Variants in TPM4 observed in about 807,000 individuals in gnomAD.
TPM4 encodes the protein tropomyosin alpha-4 chain.
A neutral mutation model predicts 35.8 loss-of-function variants in TPM4; 17 were observed. The observed-to-expected ratio is 0.47, with a 90% CI of 0.32 to 0.71. The LOEUF is 0.71. TPM4 is among the 30% of genes least tolerant of loss of function. TPM4 has a pLI of 0.03. For missense variants in TPM4, 240 were observed against 320.9 expected, an observed-to-expected ratio of 0.75 and a Z score of 1.93; for synonymous variants, 120 against 122.9, an observed-to-expected ratio of 0.98 and a Z score of 0.15.
In TPM4 at chr19:16,096,936, C is replaced by CTTTTTTTTTTTTTTTTTTTT. The variant is rs71178641; in HGVS notation, c.664+3198_664+3217dup. ...GGAATATGGAGAAAACAAGGTCACT[C>CTTTTTTTTTTTTTTTTTTTT]TTTTTTTTTTTTTTTTTTTTTTTTT... On this transcript the variant is annotated intron_variant, in intron 7 of 7. Transcript: ENST00000643579. Among the ~76,000 whole-genome samples the CTTTTTTTTTTTTTTTTTTTT allele has an allele frequency of 2.9e-5, 2 of 69,050 alleles. 1 individual carries two copies. Among genetic ancestry groups the CTTTTTTTTTTTTTTTTTTTT allele is most frequent in the Non-Finnish European group, 5.3e-5 (2 of 37,714 alleles). 45.3% of individuals were successfully genotyped at this position (69,050 alleles called of 152,430 possible). A position where few individuals can be genotyped will look rare whatever the true frequency, so the allele number is the denominator to read the frequency against.
At chr19:16,076,753 C>T (rs2090412283) in intron 1 of TPM4, 56 bp downstream of exon 1, 2 of 1,284,100 alleles carry the variant, frequency 1.6e-6, no homozygotes, top group Non-Finnish European at 2.0e-6. Context: ...GCGCGCCCTC[C>T]TTTCTTCCCG....
chr19:16,084,824 G>C (rs541182408), intron 2 of TPM4, among the ~76,000 whole-genome samples: 1 of 152,300 alleles, frequency 6.6e-6, no homozygotes, highest in African/African-American at 2.4e-5. Context: ...ACTTAGCTGA[G>C]AACGGGTGAC....
At chr19:16,077,995 G>A (rs1179169853) in intron 1 of TPM4, 4 of 387,510 alleles carry the variant, frequency 1.0e-5, no homozygotes, top group African/African-American at 2.1e-5. Flanking sequence ...GGCTGGTCTC[G>A]AACTCCTGAC....
intron 1 of TPM4, among the ~76,000 whole-genome samples, chr19:16,079,154 A>G (rs1162067240): frequency 1.3e-5 from 2 of 152,172 alleles, no homozygotes; most frequent in African/African-American, 4.8e-5. Context: ...ACAGCTGAAA[A>G]TCTGCCAAAA....
intron 4 of TPM4, 62 bp from the exon 5 acceptor site, chr19:16,088,983 G>T: frequency 6.2e-7 from 1 of 1,609,088 alleles, no homozygotes; most frequent in South Asian, 1.1e-5. Context: ...TTGTTGGGGC[G>T]ATTGCTATTA....
At chr19:16,068,603 CTGTG>C (rs1013513338) in intron 2 of TPM4, among the ~76,000 whole-genome samples, 7 of 152,136 alleles carry the variant, frequency 4.6e-5, no homozygotes, top group East Asian at 3.9e-4. Flanking sequence ...GAGCGTGTGT[CTGTG>C]TGTATCTATG....
chr19:16,079,744 G>A (rs141098972), intron 1 of TPM4: 2,030 of 182,026 alleles, frequency 0.011, 38 homozygotes, highest in African/African-American at 0.045. Flanking sequence ...CTGTTACCCA[G>A]GCTGGAGTGC....
At chr19:16,084,901 C>T (rs1286213229) in intron 2 of TPM4, among the ~76,000 whole-genome samples, 1 of 152,160 alleles carries the variant, frequency 6.6e-6, no homozygotes, top group Non-Finnish European at 1.5e-5. Flanking sequence ...GGGAATGATA[C>T]ATATCAATGA....
intron 1 of TPM4, chr19:16,078,223 G>A (rs186380499): frequency 2.5e-6 from 1 of 398,368 alleles, no homozygotes; most frequent in Admixed American, 4.4e-5. Context: ...GGTTGAGCTG[G>A]GTCTTATAGA....
In TPM4 at chr19:16,070,113, G is replaced by T. The variant is rs895549983; in HGVS notation, c.114+2375G>T. ...GTCTGAGAATCTCATTGTGTATGTG[G>T]GGGTGTCCCTGCTAAAAGCCTGGAG... On this transcript the variant is annotated intron_variant, in intron 2 of 2. Coordinates refer to the TPM4 transcript ENST00000589897. This position sits in a 1 kb window ranked among gnomAD's most constrained non-coding sequence, Gnocchi z 7.4. Among the ~76,000 whole-genome samples, 3 of 152,100 alleles carry T rather than the reference G, an allele frequency of 2.0e-5. No individual in the cohort carries two copies. Among genetic ancestry groups the T allele is most frequent in the Non-Finnish European group, 4.4e-5 (3 of 67,994 alleles).
At position 16,076,712 on chromosome 19, in the gene TPM4, C is replaced by T; in HGVS notation, c.132+15C>T. 1 of 1,325,934 alleles carries T rather than the reference C, an allele frequency of 7.5e-7. No homozygotes were observed. The highest frequency in any genetic ancestry group is 1.5e-5 in the African/African-American group (1 of 64,830). 82.1% of individuals were successfully genotyped at this position (1,325,934 alleles called of 1,614,324 possible). On this transcript the variant is annotated intron_variant, in intron 1 of 7. Transcript: ENST00000643579. ...GGCGCGAGAAAGTGAGCGCCCCGGCCTCGGGCCCCGCACCCGCAGCCTCCT... is the reference window on the plus strand; with the variant it reads ...GGCGCGAGAAAGTGAGCGCCCCGGCTTCGGGCCCCGCACCCGCAGCCTCCT...
Position 16,076,634 on chromosome 19 carries a change from G to A in TPM4, c.69G>A (p.Glu23=), listed in dbSNP as rs2090410228. ...AGGCCCTGCAGCAGCAGGCGGACGA[G>A]GCGGAAGACCGCGCGCAGGGCCTGC... ...KIQALQQQAD[E]AEDRAQGLQR... Residue 23 remains glutamate (E), a synonymous_variant, in exon 1 of 8, where the codon GAG becomes GAA. Transcript: ENST00000643579. 1 of 1,456,366 alleles carries A rather than the reference G, an allele frequency of 6.9e-7. No homozygotes were observed. Among genetic ancestry groups the A allele is most frequent in the Non-Finnish European group, 9.0e-7 (1 of 1,110,262 alleles). The allele number at this position is 1,456,366 out of a possible 1,614,324, so 90.2% of individuals were successfully genotyped here.
Position 16,103,000 on chromosome 19 carries a change from C to G in TPM4, c.*1654C>G, listed in dbSNP as rs1468877942. On this transcript the variant is annotated 3_prime_UTR_variant, in exon 8 of 8. Coordinates refer to ENST00000643579, the MANE Select transcript of TPM4 (RefSeq NM_003290.3). The stretch of plus-strand genomic sequence containing the variant: ...TTGGTCAAATAAATTTTTACATAAA[C>G]TACAATTTGCGTGAATTTTAGAATG... The G allele has an allele frequency of 5.1e-6, 1 of 197,804 alleles. No individual in the cohort carries two copies. Among genetic ancestry groups the G allele is most frequent in the African/African-American group, 2.3e-5 (1 of 43,336 alleles). The allele number at this position is 197,804 out of a possible 1,614,324, so 12.3% of individuals were successfully genotyped here.
Position 16,087,426 on chromosome 19 carries a change from A to G in TPM4, c.385-601A>G, listed in dbSNP as rs1279477848. 2.0e-5 allele frequency among the ~76,000 whole-genome samples: 3 copies of G among 152,142 alleles called. No individual in the cohort carries two copies. The East Asian group carries it at 5.8e-4, about 29-fold the overall frequency. ...ACCCTGTCTCTACAAAAAATACAAA[A>G]ATTAGCCGGGCATGGTCGTGCATGC... On this transcript the variant is annotated intron_variant, in intron 3 of 7. Transcript: ENST00000643579.
upstream of TPM4, among the ~76,000 whole-genome samples, chr19:16,071,686 G>A (rs150335234): frequency 1.5e-4 from 23 of 152,334 alleles, no homozygotes; most frequent in Non-Finnish European, 1.8e-4. Flanking sequence ...CACTTAGAGC[G>A]CCTGACGCTG....
At position 16,070,543 on chromosome 19, in the gene TPM4, G is replaced by C. The variant is rs375920419; in HGVS notation, c.114+2805G>C. 1.3e-5 allele frequency among the ~76,000 whole-genome samples: 2 copies of C among 152,180 alleles called. No individual in the cohort carries two copies. Among genetic ancestry groups the C allele is most frequent in the East Asian group, 1.9e-4 (1 of 5,198 alleles). ...AAAGCTCGGAGCTCAGACTGGCCATGTTTGAGTCATGGCTCAGTCGCTAGG... is the reference window on the plus strand; with the variant it reads ...AAAGCTCGGAGCTCAGACTGGCCATCTTTGAGTCATGGCTCAGTCGCTAGG... On this transcript the variant is annotated intron_variant, in intron 2 of 2. Transcript: ENST00000589897. This position sits in a 1 kb window ranked among gnomAD's most constrained non-coding sequence, Gnocchi z 7.4.
upstream of TPM4, among the ~76,000 whole-genome samples, chr19:16,073,556 A>C (rs1324622102): frequency 6.6e-6 from 1 of 152,078 alleles, no homozygotes; most frequent in Admixed American, 6.5e-5. Flanking sequence ...CAGGCTCCCC[A>C]CCCGGAGGTC....
At chr19:16,091,374 CAG>C (rs1318467944) in intron 5 of TPM4, among the ~76,000 whole-genome samples, 1 of 152,096 alleles carries the variant, frequency 6.6e-6, no homozygotes, top group Non-Finnish European at 1.5e-5. Context: ...TTGAAGAGCT[CAG>C]AGTCGAGTCT....
In TPM4 at chr19:16,093,387, G is replaced by T. The variant is rs1411812446; in HGVS notation, c.532-149G>T. The stretch of plus-strand genomic sequence containing the variant: ...ATTTTTGTATTTTTAGTAGAGACGG[G>T]GTTTCACCATGTTGGCCAGGCTGGT... On this transcript the variant is annotated intron_variant, in intron 5 of 7. Coordinates refer to ENST00000643579, the MANE Select transcript of TPM4 (RefSeq NM_003290.3). The T allele has an allele frequency of 1.3e-5, 10 of 753,802 alleles. No homozygotes were observed. In the East Asian group the frequency reaches 2.4e-4, roughly 18 times the overall value. The allele number at this position is 753,802 out of a possible 1,614,324, so 46.7% of individuals were successfully genotyped here.
Sources: gnomAD v4.1 joint callset for allele counts (sites outside exome capture counted in the v4.1 genomes callset) on GRCh38, gnomAD v4.1.1 for gene constraint, Gnocchi (gnomAD v3.1) non-coding constraint, MANE v1.5 for transcripts, NCBI Gene and HGNC (gene_info 2026-07-23, HGNC 2026-07-21) for gene names.